Variants in HIBADH observed in about 807,000 individuals in gnomAD.
The protein encoded by HIBADH is 3-hydroxyisobutyrate dehydrogenase, mitochondrial.
Under a neutral mutation model 36.1 loss-of-function variants are expected in HIBADH, and 25 were observed. The ratio of observed to expected loss-of-function variants is 0.69; its 90% CI spans 0.50 to 0.97. The LOEUF is 0.97. Ranked by LOEUF, HIBADH falls within the 50% of genes least tolerant of loss-of-function variation. The pLI, the probability that HIBADH is intolerant of heterozygous loss-of-function variation, is 0.00. For synonymous variants in HIBADH, 160 were observed against 149.5 expected (o/e 1.07, Z -0.51); for missense variants, 421 against 418.0 (o/e 1.01, Z -0.06).
At position 27,540,705 on chromosome 7, in the gene HIBADH, T is replaced by TGAGGG. The variant is rs571470346; in HGVS notation, c.618+2261_618+2262insCCCTC. ...GTGTAATGAGCCTTAAAGGTCCTTA[T>TGAGGG]GATCCCCTACTCTAGAGGCTGAATT... On this transcript the variant is annotated intron_variant, in intron 5 of 7. Transcript: ENST00000265395. Among the ~76,000 whole-genome samples the TGAGGG allele has an allele frequency of 2.8e-4, 43 of 152,340 alleles. No individual in the cohort carries two copies. In the South Asian group the frequency reaches 3.9e-3, roughly 14 times the overall value.
intron 2 of HIBADH, among the ~76,000 whole-genome samples, chr7:27,646,689 ATTTTTTT>A (rs34491908): frequency 1.3e-5 from 1 of 74,866 alleles, no homozygotes; most frequent in South Asian, 5.5e-4. Context: ...CACGCCCAGC[ATTTTTTT>A]TTTTTTTTTT....
intron 4 of HIBADH, among the ~76,000 whole-genome samples, chr7:27,594,256 G>A (rs1784992896): frequency 6.7e-6 from 1 of 150,244 alleles, no homozygotes; most frequent in South Asian, 2.1e-4. Flanking sequence ...TGATTCTCCT[G>A]CCTCAGCCTC....
chr7:27,530,702 A>G (rs910869133), intron 7 of HIBADH, among the ~76,000 whole-genome samples: 2 of 151,992 alleles, frequency 1.3e-5, no homozygotes, highest in Non-Finnish European at 2.9e-5. Context: ...TTTTCCAATG[A>G]CTTAACTAGT....
intron 2 of HIBADH, among the ~76,000 whole-genome samples, chr7:27,638,322 AAAAAAAAAC>A (rs1023293833): frequency 1.1e-4 from 16 of 148,798 alleles, no homozygotes; most frequent in African/African-American, 3.4e-4. Context: ...AAAAAAAAAA[AAAAAAAAAC>A]AAGCAATAAG....
chr7:27,531,090 C>T (rs1783990927), intron 7 of HIBADH, 102 bp downstream of exon 7: 4 of 1,202,186 alleles, frequency 3.3e-6, no homozygotes, highest in East Asian at 2.4e-5. Context: ...GTAATTTTGC[C>T]TCTTACCTGA....
chr7:27,624,888 G>A (rs1003266921), intron 4 of HIBADH, among the ~76,000 whole-genome samples: 2 of 152,148 alleles, frequency 1.3e-5, no homozygotes, highest in African/African-American at 4.8e-5. Context: ...AACATTTAGT[G>A]AAGACCAACC....
At chr7:27,571,565 T>C (rs1014418785) in intron 4 of HIBADH, among the ~76,000 whole-genome samples, 3 of 152,240 alleles carry the variant, frequency 2.0e-5, no homozygotes, top group East Asian at 3.8e-4. Flanking sequence ...AGTCATTTCA[T>C]ACTCTGTTTT....
At position 27,644,232 on chromosome 7, in the gene HIBADH, G is replaced by A. The variant is rs759119158; in HGVS notation, c.252+5241C>T. 5.6e-4 allele frequency among the ~76,000 whole-genome samples: 85 copies of A among 151,960 alleles called. 2 individuals carry two copies. Among genetic ancestry groups the A allele is most frequent in the South Asian group, 3.3e-3 (16 of 4,802 alleles). On this transcript the variant is annotated intron_variant, in intron 2 of 7. Coordinates refer to ENST00000265395, the MANE Select transcript of HIBADH (RefSeq NM_152740.4). ...TGTAATCCCAGCACTTTGGGAGGCC[G>A]AGGTGGGCAGATCACGAGGTCAAGA...
At chr7:27,579,286 CA>C (rs1784757498) in intron 4 of HIBADH, among the ~76,000 whole-genome samples, 1 of 152,030 alleles carries the variant, frequency 6.6e-6, no homozygotes, top group Admixed American at 6.6e-5. Flanking sequence ...ATGGTTCCAC[CA>C]AAAACAAAAA....
chr7:27,537,272 CTTT>C (rs1562613542), intron 6 of HIBADH, among the ~76,000 whole-genome samples: 1 of 152,142 alleles, frequency 6.6e-6, no homozygotes, highest in Non-Finnish European at 1.5e-5. Flanking sequence ...GCAAATTCCT[CTTT>C]TATCTCAATT....
chr7:27,662,561 T>C (rs1786445641), intron 1 of HIBADH, 137 bp downstream of exon 1: 1 of 464,058 alleles, frequency 2.2e-6, no homozygotes, highest in African/African-American at 2.0e-5. Context: ...GACAGGCCTT[T>C]AGTACCAGCC....
intron 4 of HIBADH, among the ~76,000 whole-genome samples, chr7:27,574,086 A>T (rs1282947820): frequency 6.6e-6 from 1 of 152,216 alleles, no homozygotes; most frequent in Non-Finnish European, 1.5e-5. Context: ...GGTTTTACTG[A>T]AATGAAAAAG....
chr7:27,556,168 G>C (rs1047459472), intron 4 of HIBADH, among the ~76,000 whole-genome samples: 1 of 152,118 alleles, frequency 6.6e-6, no homozygotes, highest in Non-Finnish European at 1.5e-5. Flanking sequence ...ACAGGACTGT[G>C]AAAGACTACA....
chr7:27,577,860 T>C lies in HIBADH; in HGVS notation c.485-34760A>G, dbSNP rs188415127. On this transcript the variant is annotated intron_variant, in intron 4 of 7. Coordinates refer to ENST00000265395, the MANE Select transcript of HIBADH (RefSeq NM_152740.4). ...AGAACACATGGGTGTGGAGTGCCAATTGTTTCTGTAATGATTTAATATAGT... is the reference window on the plus strand; with the variant it reads ...AGAACACATGGGTGTGGAGTGCCAACTGTTTCTGTAATGATTTAATATAGT... Among the ~76,000 whole-genome samples, 378 of 152,334 alleles carry C rather than the reference T, an allele frequency of 2.5e-3. 2 individuals are homozygous for C. Among genetic ancestry groups the C allele is most frequent in the African/African-American group, 8.7e-3 (362 of 41,570 alleles).
chr7:27,600,124 A>G (rs900976385), intron 4 of HIBADH, among the ~76,000 whole-genome samples: 1 of 152,110 alleles, frequency 6.6e-6, no homozygotes, highest in Admixed American at 6.6e-5. Context: ...CTTTATTGCT[A>G]TGGTTTTCCC....
chr7:27,535,977 T>C (rs1332706598), intron 6 of HIBADH, among the ~76,000 whole-genome samples: 2 of 152,172 alleles, frequency 1.3e-5, no homozygotes, highest in South Asian at 2.1e-4. Flanking sequence ...TTGACATTAA[T>C]ACTCTGAAAA....
intron 4 of HIBADH, among the ~76,000 whole-genome samples, chr7:27,551,810 A>G (rs1784323122): frequency 2.6e-5 from 4 of 152,250 alleles, no homozygotes; most frequent in Admixed American, 2.0e-4. Context: ...AATTTACTCA[A>G]AAGAACTTAA....
intron 6 of HIBADH, 119 bp from the exon 7 acceptor site, chr7:27,531,467 T>A: frequency 1.1e-6 from 1 of 898,624 alleles, no homozygotes; most frequent in Non-Finnish European, 1.6e-6. Flanking sequence ...TTCTAAAATC[T>A]AAGCAGGTTG....
Position 27,525,589 on chromosome 7 carries a change from C to T in HIBADH, c.*625G>A, listed in dbSNP as rs1411993396. On this transcript the variant is annotated 3_prime_UTR_variant, in exon 8 of 8. Transcript: ENST00000265395. ...TCAAAAAATACGTAGTAAGAATGAA[C>T]AAGAAAGAAAAAAATATAAAAACAA... 1 of 151,950 alleles carries T rather than the reference C, an allele frequency of 6.6e-6. No individual in the cohort carries two copies. Among genetic ancestry groups the T allele is most frequent in the African/African-American group, 2.4e-5 (1 of 41,370 alleles). 9.4% of individuals were successfully genotyped at this position (151,950 alleles called of 1,614,324 possible). A position where few individuals can be genotyped will look rare whatever the true frequency, so the allele number is the denominator to read the frequency against.
Sources: gnomAD v4.1 joint callset for allele counts (sites outside exome capture counted in the v4.1 genomes callset) on GRCh38, gnomAD v4.1.1 for gene constraint, MANE v1.5 for transcripts, NCBI Gene and HGNC (gene_info 2026-07-23, HGNC 2026-07-21) for gene names.